KCNIP4: variants seen among roughly 807,000 people sequenced by gnomAD.
KCNIP4 encodes the protein potassium voltage-gated channel interacting protein 4, also known as Kv channel-interacting protein 4.
In KCNIP4, 12 loss-of-function variants were observed where a neutral mutation model predicts 34.0. That is an observed-to-expected ratio of 0.35 (90% CI 0.23 to 0.57). The LOEUF (loss-of-function observed/expected upper bound fraction) is 0.57. Ranked by LOEUF, KCNIP4 falls within the 20% of genes least tolerant of loss-of-function variation. KCNIP4 has a pLI of 0.83. For missense variants in KCNIP4, 238 were observed against 311.7 expected (o/e 0.76, Z 1.78); for synonymous variants, 124 against 102.2 (o/e 1.21, Z -1.29).
At chr4:21,020,524 T>C (rs1031445568) in intron 1 of KCNIP4, among the ~76,000 whole-genome samples, 1 of 152,130 alleles carries the variant, frequency 6.6e-6, no homozygotes, top group Non-Finnish European at 1.5e-5. Flanking sequence ...CCAAACTTCA[T>C]GACGTACCCA....
At chr4:21,879,876 G>C (rs892002298) in intron 1 of KCNIP4, among the ~76,000 whole-genome samples, 1 of 152,030 alleles carries the variant, frequency 6.6e-6, no homozygotes, top group African/African-American at 2.4e-5. Flanking sequence ...TCTCATGATC[G>C]TAAGTTTTCA....
intron 1 of KCNIP4, among the ~76,000 whole-genome samples, chr4:21,862,427 G>C (rs1725129920): frequency 6.6e-6 from 1 of 152,140 alleles, no homozygotes; most frequent in Non-Finnish European, 1.5e-5. Flanking sequence ...CATCAAAAGA[G>C]ATAAGAATAC....
intron 1 of KCNIP4, among the ~76,000 whole-genome samples, chr4:20,922,547 G>GTCTGTCTGTCTGTCTGTCTGTCTATCTA (rs373186954): frequency 7.0e-5 from 9 of 129,446 alleles, no homozygotes; most frequent in African/African-American, 8.6e-5. Context: ...CTGTCTGTCT[G>GTCTGTCTGTCTGTCTGTCTGTCTATCTA]TCTATCTATC....
intron 1 of KCNIP4, among the ~76,000 whole-genome samples, chr4:21,388,474 T>A (rs1722241898): frequency 6.6e-6 from 1 of 152,070 alleles, no homozygotes; most frequent in Non-Finnish European, 1.5e-5. Context: ...TAGATTATTA[T>A]CTTTTTATCT....
At chr4:21,124,058 A>ACC (rs1750402589) in intron 1 of KCNIP4, among the ~76,000 whole-genome samples, 4 of 149,608 alleles carry the variant, frequency 2.7e-5, no homozygotes, top group African/African-American at 1.0e-4. Context: ...AAAAAACAAC[A>ACC]AAAAAAACCT....
intron 1 of KCNIP4, among the ~76,000 whole-genome samples, chr4:21,825,234 A>C (rs1184172914): frequency 2.6e-5 from 4 of 152,156 alleles, no homozygotes; most frequent in African/African-American, 9.6e-5. Flanking sequence ...GGAAGAAAAA[A>C]ATATGTATAA....
intron 1 of KCNIP4, among the ~76,000 whole-genome samples, chr4:21,475,080 T>C (rs1730831265): frequency 6.6e-6 from 1 of 152,028 alleles, no homozygotes; most frequent in South Asian, 2.1e-4. Context: ...CTTTGTTCTA[T>C]GTTGCCTACC....
chr4:21,901,177 T>C (rs765922035), intron 1 of KCNIP4, among the ~76,000 whole-genome samples: 5 of 152,170 alleles, frequency 3.3e-5, no homozygotes, highest in Non-Finnish European at 5.9e-5. Context: ...ATTTAACATA[T>C]AGTGTGCACT....
At chr4:21,140,528 C>G (rs543123331) in intron 1 of KCNIP4, among the ~76,000 whole-genome samples, 1 of 147,150 alleles carries the variant, frequency 6.8e-6, no homozygotes, top group African/African-American at 2.7e-5. Context: ...TAATTTAAAA[C>G]TTTATGCTAA....
chr4:21,923,025 T>TGAC (rs1729019578), intron 1 of KCNIP4, among the ~76,000 whole-genome samples: 1 of 152,192 alleles, frequency 6.6e-6, no homozygotes, highest in Non-Finnish European at 1.5e-5. Context: ...TAATGCACGG[T>TGAC]GACAGATTAC....
chr4:21,750,770 G>A (rs1258122588), intron 1 of KCNIP4, among the ~76,000 whole-genome samples: 1 of 152,054 alleles, frequency 6.6e-6, no homozygotes, highest in African/African-American at 2.4e-5. Context: ...ATTTCGCGGA[G>A]AAGCTGTGGG....
intron 1 of KCNIP4, among the ~76,000 whole-genome samples, chr4:21,861,909 T>C (rs1395356675): frequency 6.6e-6 from 1 of 152,132 alleles, no homozygotes; most frequent in Non-Finnish European, 1.5e-5. Context: ...AACCACAGCA[T>C]GCTTGATCTG....
intron 1 of KCNIP4, among the ~76,000 whole-genome samples, chr4:21,222,935 T>A (rs145424932): frequency 6.6e-6 from 1 of 152,318 alleles, no homozygotes; most frequent in African/African-American, 2.4e-5. Flanking sequence ...GTGCAGTGGT[T>A]TAAAGCAGCA....
chr4:21,875,503 C>G (rs1682500612), intron 1 of KCNIP4, among the ~76,000 whole-genome samples: 1 of 152,144 alleles, frequency 6.6e-6, no homozygotes, highest in African/African-American at 2.4e-5. Flanking sequence ...TACTCCATAT[C>G]TGTGAGTTGT....
intron 1 of KCNIP4, among the ~76,000 whole-genome samples, chr4:21,340,616 G>C (rs1310844762): frequency 6.6e-6 from 1 of 151,550 alleles, no homozygotes; most frequent in East Asian, 1.9e-4. Context: ...AAACATTTCA[G>C]AATTCTGTCT....
chr4:21,424,219 G>C (rs2109639732), intron 1 of KCNIP4, among the ~76,000 whole-genome samples: 1 of 152,192 alleles, frequency 6.6e-6, no homozygotes, highest in South Asian at 2.1e-4. Context: ...TACTAGAAAA[G>C]GCCTGGGGTC....
At chr4:21,039,116 T>A (rs1184756274) in intron 1 of KCNIP4, among the ~76,000 whole-genome samples, 1 of 152,074 alleles carries the variant, frequency 6.6e-6, no homozygotes, top group Non-Finnish European at 1.5e-5. Flanking sequence ...TCCCAGCACT[T>A]TGGGAGGCTG....
intron 1 of KCNIP4, among the ~76,000 whole-genome samples, chr4:21,138,020 T>C (rs755704508): frequency 1.2e-4 from 18 of 151,896 alleles, no homozygotes; most frequent in Admixed American, 2.6e-4. Context: ...TACAGGCACA[T>C]GCCATCACAC....
intron 1 of KCNIP4, among the ~76,000 whole-genome samples, chr4:21,001,912 A>G (rs4499695): frequency 0.089 from 13,469 of 151,636 alleles, 802 homozygotes; most frequent in Non-Finnish European, 0.12. Context: ...AGTAGAAGGC[A>G]TTTTTCTTCA....
Sources: gnomAD v4.1 joint callset for allele counts (sites outside exome capture counted in the v4.1 genomes callset) on GRCh38, gnomAD v4.1.1 for gene constraint, MANE v1.5 for transcripts, NCBI Gene and HGNC (gene_info 2026-07-23, HGNC 2026-07-21) for gene names.